FAM186B: variants seen among roughly 807,000 people sequenced by gnomAD.
The protein encoded by FAM186B is family with sequence similarity 186 member B.
A neutral mutation model predicts 83.4 loss-of-function variants in FAM186B; 68 were observed. The observed-to-expected ratio is 0.81, with a 90% CI of 0.67 to 1.00. The LOEUF (loss-of-function observed/expected upper bound fraction) is 1.00. Ranked by LOEUF, FAM186B falls within the 50% of genes least tolerant of loss-of-function variation. The pLI is 0.00. For missense variants in FAM186B, 983 were observed against 1,099.2 expected (o/e 0.89, Z 1.49); for synonymous variants, 389 against 422.0 (o/e 0.92, Z 0.96).
At chr12:49,584,736 C>G, downstream of FAM186B, 1 of 657,358 alleles carries the variant, frequency 1.5e-6, no homozygotes, top group African/African-American at 1.8e-5. Context: ...CAGACTCAGC[C>G]TGGACACAGA....
downstream of FAM186B, chr12:49,583,236 A>C (rs983194929): frequency 2.8e-6 from 1 of 355,030 alleles, no homozygotes; most frequent in Admixed American, 3.7e-5. Flanking sequence ...TTAATATTCA[A>C]AATAGTCTCA....
chr12:49,599,099 G>A lies in FAM186B; in HGVS notation c.2172-152C>T. On this transcript the variant is annotated intron_variant, in intron 4 of 6. Transcript: ENST00000257894. ...GCTGGGGAAAATGGGGCAGAGAAAAGTGGGAGGTGGTATGAAGTGAGGAGC... is the reference window on the plus strand; with the variant it reads ...GCTGGGGAAAATGGGGCAGAGAAAAATGGGAGGTGGTATGAAGTGAGGAGC... 7.5e-6 allele frequency: 6 copies of A among 797,814 alleles called. No homozygotes were observed. In the South Asian group the frequency reaches 1.1e-4, roughly 15 times the overall value. The allele number at this position is 797,814 out of a possible 1,614,324, so 49.4% of individuals were successfully genotyped here.
chr12:49,607,755 A>G (rs920104760), upstream of FAM186B, among the ~76,000 whole-genome samples: 8 of 152,162 alleles, frequency 5.3e-5, no homozygotes, highest in African/African-American at 1.9e-4. Flanking sequence ...GCCAGAGTGC[A>G]GTGGCGTGAT....
Position 49,600,271 on chromosome 12 carries a change from A to T in FAM186B, c.1369T>A (p.Phe457Ile), listed in dbSNP as rs148848955. ...AGAGACAGCTGCTTGCTACAGTGGA[A>T]CTTAATTTGGAGTCCTCCCTTCTGG... The part of the protein sequence containing the change: ...YFQKGGLQIK[F>I]HCSKQLSLES... The change falls in exon 4 of 7, where the codon TTC becomes ATC. Residue 457 changes from phenylalanine (F) to isoleucine (I), a missense_variant. Transcript: ENST00000257894. The surrounding 1 kb of genome is among the most constrained non-coding windows in gnomAD (Gnocchi z 4.3). The T allele has an allele frequency of 6.2e-7, 1 of 1,614,068 alleles. No homozygotes were observed. Among genetic ancestry groups the T allele is most frequent in the Admixed American group, 1.7e-5 (1 of 60,022 alleles).
downstream of FAM186B, among the ~76,000 whole-genome samples, chr12:49,585,794 C>T (rs891270578): frequency 6.6e-6 from 1 of 152,184 alleles, no homozygotes. Context: ...TGTGAGGATC[C>T]ATGGTGGGCC....
Position 49,588,539 on chromosome 12 carries a change from G to T in FAM186B, c.2449C>A (p.Pro817Thr). ...GGGCCACTGGGGCGGATGTGCCGGGGTGAGGCTGCAGGCAACTTGCATTTC... is the reference window on the plus strand; with the variant it reads ...GGGCCACTGGGGCGGATGTGCCGGGTTGAGGCTGCAGGCAACTTGCATTTC... ...PKKCKLPAAS[P>T]RHIRPSGPTY... Residue 817 changes from proline (P) to threonine (T), a missense_variant, in exon 6 of 7, where the codon CCC (proline) becomes ACC (threonine). Transcript: ENST00000257894. The T allele has an allele frequency of 1.9e-6, 3 of 1,613,178 alleles. No individual in the cohort carries two copies. The highest frequency in any genetic ancestry group is 2.2e-5 in the East Asian group (1 of 44,846).
At chr12:49,584,254 G>A, downstream of FAM186B, 2 of 490,166 alleles carry the variant, frequency 4.1e-6, no homozygotes, top group South Asian at 2.4e-5. Flanking sequence ...TTGAGGAGGT[G>A]TGGGTTTCAG....
chr12:49,592,135 A>G (rs1170036463), intron 5 of FAM186B, among the ~76,000 whole-genome samples: 4 of 152,240 alleles, frequency 2.6e-5, no homozygotes, highest in Admixed American at 1.3e-4. Context: ...GTTCTTACAC[A>G]TGAAATAATA....
At chr12:49,585,885 G>T (rs572894105), downstream of FAM186B, among the ~76,000 whole-genome samples, 192 of 152,252 alleles carry the variant, frequency 1.3e-3, no homozygotes, top group Non-Finnish European at 2.1e-3. Context: ...AGGCAGCACG[G>T]CCACCACCCT....
rs1939830587 is a variant in FAM186B at position 49,599,890 on chromosome 12, G to C, written c.1750C>G (p.Gln584Glu). 6.2e-7 allele frequency: 1 copy of C among 1,610,786 alleles called. No individual in the cohort carries two copies. Reference sequence around the variant, plus strand: ...GGCCTCCTGCTTTGGTGAGCAGATTGGGTCCGGCTTGGGGCAGGCACTAAT... The same window carrying C: ...GGCCTCCTGCTTTGGTGAGCAGATTCGGTCCGGCTTGGGGCAGGCACTAAT... ...LSLVPAPSRTQSAHQSRRPHL... is the reference protein window; with the variant it reads ...LSLVPAPSRTESAHQSRRPHL... Residue 584 changes from glutamine (Q) to glutamate (E), a missense_variant, in exon 4 of 7, where the codon CAA (glutamine) becomes GAA (glutamate). Transcript: ENST00000257894.
At chr12:49,611,038 G>A in the FAM186B span, among the ~76,000 whole-genome samples, 16 of 151,452 alleles carry the variant, frequency 1.1e-4, no homozygotes, top group Non-Finnish European at 1.9e-4. Flanking sequence ...CCAGGAGTTC[G>A]AGACCAGCCT....
At chr12:49,598,985 GCCT>G in intron 4 of FAM186B, 38 bp from the exon 5 acceptor site, 1 of 1,594,984 alleles carries the variant, frequency 6.3e-7, no homozygotes. Context: ...GGGTGGAGAG[GCCT>G]CCTCTATCCC....
At chr12:49,614,258 G>C in the FAM186B span, among the ~76,000 whole-genome samples, 1 of 151,922 alleles carries the variant, frequency 6.6e-6, no homozygotes. Context: ...CTACCAAAAA[G>C]ATACATGCAC....
chr12:49,606,246 C>T (rs930908201), upstream of FAM186B, among the ~76,000 whole-genome samples: 3 of 152,030 alleles, frequency 2.0e-5, no homozygotes, highest in Admixed American at 2.0e-4. Flanking sequence ...GTAATCCCAA[C>T]AATTTGGGAG....
the FAM186B span, chr12:49,622,626 T>A: frequency 6.6e-6 from 1 of 152,284 alleles, no homozygotes; most frequent in Non-Finnish European, 1.5e-5. Flanking sequence ...CCCACTTCCT[T>A]TTCCTCCCAG....
At chr12:49,589,339 C>T (rs1002989899) in intron 5 of FAM186B, among the ~76,000 whole-genome samples, 2 of 152,168 alleles carry the variant, frequency 1.3e-5, no homozygotes, top group Non-Finnish European at 2.9e-5. Flanking sequence ...CAAGCTGCCC[C>T]TAGGGACCAC....
At chr12:49,598,971 T>C in intron 4 of FAM186B, 24 bp from the exon 5 acceptor site, 1 of 1,611,686 alleles carries the variant, frequency 6.2e-7, no homozygotes. Flanking sequence ...AGAAGCAATT[T>C]AGGGGGTGGA....
upstream of FAM186B, among the ~76,000 whole-genome samples, chr12:49,610,085 A>G (rs1393564972): frequency 6.6e-6 from 1 of 151,978 alleles, no homozygotes. Context: ...AAAAGACCCA[A>G]TCTAATATTC....
At chr12:49,594,832 A>C (rs1221810462) in intron 5 of FAM186B, among the ~76,000 whole-genome samples, 1 of 152,008 alleles carries the variant, frequency 6.6e-6, no homozygotes, top group African/African-American at 2.4e-5. Context: ...CCAAGATAGC[A>C]CAACTGCACT....
Sources: gnomAD v4.1 joint callset for allele counts (sites outside exome capture counted in the v4.1 genomes callset) on GRCh38, gnomAD v4.1.1 for gene constraint, Gnocchi (gnomAD v3.1) non-coding constraint, MANE v1.5 for transcripts, NCBI Gene and HGNC (gene_info 2026-07-23, HGNC 2026-07-21) for gene names.